The following KIRREL3 variants were observed in gnomAD, a reference collection of about 807,000 sequenced individuals.
KIRREL3 encodes the protein kin of IRRE-like protein 3.
In KIRREL3, 36 loss-of-function variants were observed where a neutral mutation model predicts 89.7. The ratio of observed to expected loss-of-function variants is 0.40; its 90% CI spans 0.31 to 0.53. The LOEUF is 0.53. Ranked by LOEUF, KIRREL3 falls within the 20% of genes least tolerant of loss-of-function variation. The probability of loss-of-function intolerance (pLI) is 0.49; values close to 1 mark genes in which losing one functional copy is unlikely to be tolerated. For missense variants in KIRREL3, 864 were observed against 1,056.6 expected, an observed-to-expected ratio of 0.82 and a Z score of 2.53; for synonymous variants, 445 against 441.4, an observed-to-expected ratio of 1.01 and a Z score of -0.10.
At position 126,761,186 on chromosome 11, in the gene KIRREL3, T is replaced by C. The variant is rs1208270604; in HGVS notation, c.56-198274A>G. On this transcript the variant is annotated intron_variant, in intron 1 of 16. Transcript: ENST00000525144. This position sits in a 1 kb window ranked among gnomAD's most constrained non-coding sequence, Gnocchi z 4.4. The stretch of plus-strand genomic sequence containing the variant: ...ATCATTCTGAGAAGAATGGAAACAC[T>C]GGGAAGATATGGTGTTGGCAGGGAC... 6.6e-6 allele frequency among the ~76,000 whole-genome samples: 1 copy of C among 152,164 alleles called. No homozygotes were observed. Among genetic ancestry groups the C allele is most frequent in the Non-Finnish European group, 1.5e-5 (1 of 68,032 alleles).
In KIRREL3 at chr11:126,892,597, T is replaced by G. The variant is rs936210884; in HGVS notation, c.55+107858A>C. On this transcript the variant is annotated intron_variant, in intron 1 of 16. Transcript: ENST00000525144. The surrounding 1 kb of genome is among the most constrained non-coding windows in gnomAD (Gnocchi z 5.4). Reference sequence around the variant, plus strand: ...TAAGGCCTGGCTCTGTGCACGTGTGTGTGCATGTGCACGTGTGTATGTATT... The same window carrying G: ...TAAGGCCTGGCTCTGTGCACGTGTGGGTGCATGTGCACGTGTGTATGTATT... Among the ~76,000 whole-genome samples, 2 of 152,204 alleles carry G rather than the reference T, an allele frequency of 1.3e-5. No homozygotes were observed. The highest frequency in any genetic ancestry group is 2.9e-5 in the Non-Finnish European group (2 of 68,030).
At chr11:126,478,197 C>A (rs1957119712) in intron 4 of KIRREL3, among the ~76,000 whole-genome samples, 1 of 152,206 alleles carries the variant, frequency 6.6e-6, no homozygotes, top group South Asian at 2.1e-4. Flanking sequence ...CTTTCCTGTT[C>A]CTCACTCTGC....
At position 126,996,188 on chromosome 11, in the gene KIRREL3, C is replaced by T. The variant is rs1163581893; in HGVS notation, c.55+4267G>A. 6.6e-6 allele frequency among the ~76,000 whole-genome samples: 1 copy of T among 152,202 alleles called. No homozygotes were observed. Among genetic ancestry groups the T allele is most frequent in the East Asian group, 1.9e-4 (1 of 5,200 alleles). On this transcript the variant is annotated intron_variant, in intron 1 of 16. Transcript: ENST00000525144. The surrounding 1 kb of genome is among the most constrained non-coding windows in gnomAD (Gnocchi z 4.7). ...ATTTGTTAAAGAAGTGGTCCCACAC[C>T]CTTGGCAGCTGTGTATTGACCTTCT...
rs1591810163 is a variant in KIRREL3 at position 126,607,552 on chromosome 11, C to T, written c.56-44640G>A. 6.6e-6 allele frequency among the ~76,000 whole-genome samples: 1 copy of T among 152,110 alleles called. No homozygotes were observed. Among genetic ancestry groups the T allele is most frequent in the Admixed American group, 6.5e-5 (1 of 15,282 alleles). ...CCCGCTGGAGAGAAGCAGCGCTCCA[C>T]GTTCAAAGACCATTATTGCCATTAT... On this transcript the variant is annotated intron_variant, in intron 1 of 16. Transcript: ENST00000525144. This position sits in a 1 kb window ranked among gnomAD's most constrained non-coding sequence, Gnocchi z 6.6.
chr11:126,436,030 C>G (rs1306256153), intron 12 of KIRREL3, among the ~76,000 whole-genome samples: 1 of 152,186 alleles, frequency 6.6e-6, no homozygotes, highest in Non-Finnish European at 1.5e-5. Context: ...CCTCCGTGCC[C>G]CTCCAAGGCT....
rs560339197 is a variant in KIRREL3 at position 126,612,477 on chromosome 11, G to T, written c.56-49565C>A. On this transcript the variant is annotated intron_variant, in intron 1 of 16. Transcript: ENST00000525144. The surrounding 1 kb of genome is among the most constrained non-coding windows in gnomAD (Gnocchi z 4.5). ...TCTCATGAACTTGGAAGCTTTAGGG[G>T]TTAGTCTTTTTTAAGTACATTCGTT... 3.9e-5 allele frequency among the ~76,000 whole-genome samples: 6 copies of T among 152,290 alleles called. No individual in the cohort carries two copies. In the East Asian group the frequency reaches 1.2e-3, roughly 29 times the overall value.
At chr11:126,818,655 GTT>G in intron 1 of KIRREL3, among the ~76,000 whole-genome samples, 3 of 151,686 alleles carry the variant, frequency 2.0e-5, no homozygotes, top group African/African-American at 7.3e-5. Flanking sequence ...GTGTGTGTGT[GTT>G]GGGAAGAGGG....
rs1950118902 is a variant in KIRREL3, at chr11:126,994,302, G to A, written c.55+6153C>T. On this transcript the variant is annotated intron_variant, in intron 1 of 16. Coordinates refer to ENST00000525144, the MANE Select transcript of KIRREL3 (RefSeq NM_032531.4). This position sits in a 1 kb window ranked among gnomAD's most constrained non-coding sequence, Gnocchi z 5.2. ...GGATGCAGGCAGGTGTCTGTGTTTG[G>A]CTGCCCCCTTTGCAGTTATTTCCAA... Among the ~76,000 whole-genome samples, 1 of 152,092 alleles carries A rather than the reference G, an allele frequency of 6.6e-6. No individual in the cohort carries two copies. Among genetic ancestry groups the A allele is most frequent in the Non-Finnish European group, 1.5e-5 (1 of 68,018 alleles).
intron 16 of KIRREL3, 88 bp from the exon 17 acceptor site, chr11:126,425,111 G>A (rs905637374): frequency 8.0e-6 from 10 of 1,251,864 alleles, no homozygotes; most frequent in Non-Finnish European, 1.1e-5. Flanking sequence ...GTCCCCTTAT[G>A]CGGGGAGGGA....
chr11:126,854,336 T>C (rs1189996262), intron 1 of KIRREL3, among the ~76,000 whole-genome samples: 2 of 152,198 alleles, frequency 1.3e-5, no homozygotes. Context: ...AATATGCCAC[T>C]ACCACCCATC....
rs1042645255 is a variant in KIRREL3, at chr11:126,525,218, C to G, written c.283+1320G>C. The stretch of plus-strand genomic sequence containing the variant: ...GTCCCTGACGGAAGTTGGAAACCCA[C>G]TGACCGGGACCCCAGACAGCCTCCT... On this transcript the variant is annotated intron_variant, in intron 3 of 16. Transcript: ENST00000525144. The surrounding 1 kb of genome is among the most constrained non-coding windows in gnomAD (Gnocchi z 5.4). Among the ~76,000 whole-genome samples the G allele has an allele frequency of 4.6e-5, 7 of 152,224 alleles. No individual in the cohort carries two copies. The highest frequency in any genetic ancestry group is 1.7e-4 in the African/African-American group (7 of 41,468).
chr11:126,671,077 C>T (rs1318077102), intron 1 of KIRREL3, among the ~76,000 whole-genome samples: 1 of 152,092 alleles, frequency 6.6e-6, no homozygotes, highest in Non-Finnish European at 1.5e-5. Flanking sequence ...AATTGGCCAT[C>T]TATATTAGAA....
chr11:126,825,862 G>A (rs557673179), intron 1 of KIRREL3, among the ~76,000 whole-genome samples: 5 of 152,300 alleles, frequency 3.3e-5, no homozygotes, highest in Middle Eastern at 3.4e-3. Context: ...ACACAAGGCC[G>A]CCGAGTTGAT....
At position 126,766,130 on chromosome 11, in the gene KIRREL3, T is replaced by C. The variant is rs188384218; in HGVS notation, c.56-203218A>G. Among the ~76,000 whole-genome samples, 69 of 152,142 alleles carry C rather than the reference T, an allele frequency of 4.5e-4. No homozygotes were observed. Among genetic ancestry groups the C allele is most frequent in the Non-Finnish European group, 7.6e-4 (52 of 67,992 alleles). On this transcript the variant is annotated intron_variant, in intron 1 of 16. Coordinates refer to ENST00000525144, the MANE Select transcript of KIRREL3 (RefSeq NM_032531.4). This position sits in a 1 kb window ranked among gnomAD's most constrained non-coding sequence, Gnocchi z 4.2. ...TAGTATCGTTTCATCGCTAATGTTG[T>C]GAGTGAGCTAGAACAATCATCTCTT...
In KIRREL3 at chr11:126,843,215, G is replaced by GA. The variant is rs1160459358; in HGVS notation, c.55+157239dup. On this transcript the variant is annotated intron_variant, in intron 1 of 16. Transcript: ENST00000525144. This position sits in a 1 kb window ranked among gnomAD's most constrained non-coding sequence, Gnocchi z 4.6. ...CGGTCTCTGAGCAAGACAAAAACAAGAAAAAAACACTAATGGAAAACCCAC... is the reference window on the plus strand; with the variant it reads ...CGGTCTCTGAGCAAGACAAAAACAAGAAAAAAAACACTAATGGAAAACCCAC... 1.3e-5 allele frequency among the ~76,000 whole-genome samples: 2 copies of GA among 152,008 alleles called. No individual in the cohort carries two copies. Among genetic ancestry groups the GA allele is most frequent in the Admixed American group, 6.6e-5 (1 of 15,262 alleles).
rs370306768 is a variant in KIRREL3 at position 126,867,286 on chromosome 11, C to T, written c.55+133169G>A. Among the ~76,000 whole-genome samples the T allele has an allele frequency of 6.6e-6, 1 of 152,256 alleles. No homozygotes were observed. The highest frequency in any genetic ancestry group is 1.5e-5 in the Non-Finnish European group (1 of 68,052). On this transcript the variant is annotated intron_variant, in intron 1 of 16. Transcript: ENST00000525144. This position sits in a 1 kb window ranked among gnomAD's most constrained non-coding sequence, Gnocchi z 4.7. Reference sequence around the variant, plus strand: ...TTCTCCCGTTTCAATAGCAGGTCTTCAGGACCTGTGCTGGGACTCTCCTCT... The same window carrying T: ...TTCTCCCGTTTCAATAGCAGGTCTTTAGGACCTGTGCTGGGACTCTCCTCT...
In KIRREL3 at chr11:126,645,206, C is replaced by T. The variant is rs764987861; in HGVS notation, c.56-82294G>A. Among the ~76,000 whole-genome samples the T allele has an allele frequency of 1.3e-5, 2 of 152,204 alleles. No individual in the cohort carries two copies. The highest frequency in any genetic ancestry group is 1.9e-4 in the East Asian group (1 of 5,196). On this transcript the variant is annotated intron_variant, in intron 1 of 16. Transcript: ENST00000525144. The surrounding 1 kb of genome is among the most constrained non-coding windows in gnomAD (Gnocchi z 4.9). Reference sequence around the variant, plus strand: ...AAAGTGAAGGGATGCAGACTGACATCGTAACAATTCAAATGCTAATGAAAT... The same window carrying T: ...AAAGTGAAGGGATGCAGACTGACATTGTAACAATTCAAATGCTAATGAAAT...
rs570100611 is a variant in KIRREL3, at chr11:126,990,370, C to G, written c.55+10085G>C. On this transcript the variant is annotated intron_variant, in intron 1 of 16. Transcript: ENST00000525144. This position sits in a 1 kb window ranked among gnomAD's most constrained non-coding sequence, Gnocchi z 6.3. ...TCAGGAGAGAGGAACCCGCCTCCTG[C>G]GAGAGCCGCCGCCATCTGTAACGTT... Among the ~76,000 whole-genome samples the G allele has an allele frequency of 7.9e-5, 12 of 152,286 alleles. No individual in the cohort carries two copies. The highest frequency in any genetic ancestry group is 2.9e-4 in the African/African-American group (12 of 41,564).
intron 1 of KIRREL3, among the ~76,000 whole-genome samples, chr11:126,923,193 T>TTCTTTTCTTCTTCTTC (rs1947470914): frequency 2.0e-4 from 2 of 10,154 alleles, no homozygotes; most frequent in Admixed American, 9.0e-4. Flanking sequence ...TCTTCTCTTC[T>TTCTTTTCTTCTTCTTC]TCTTCTTCTT....
Sources: gnomAD v4.1 joint callset for allele counts (sites outside exome capture counted in the v4.1 genomes callset) on GRCh38, gnomAD v4.1.1 for gene constraint, Gnocchi (gnomAD v3.1) non-coding constraint, MANE v1.5 for transcripts, NCBI Gene and HGNC (gene_info 2026-07-23, HGNC 2026-07-21) for gene names.